TMEM178B: variants seen among roughly 807,000 people sequenced by gnomAD.
TMEM178B encodes the protein transmembrane protein 178B.
In TMEM178B, 5 loss-of-function variants were observed where a neutral mutation model predicts 31.0. That is an observed-to-expected ratio of 0.16 (90% CI 0.08 to 0.34). The LOEUF (loss-of-function observed/expected upper bound fraction) is 0.34, where lower values mean the gene tolerates loss of function less well. Ranked by LOEUF, TMEM178B falls within the 10% of genes least tolerant of loss-of-function variation. TMEM178B has a pLI of 1.00. For synonymous variants in TMEM178B, 164 were observed against 164.0 expected (o/e 1.00, Z 0.00); for missense variants, 275 against 400.3 (o/e 0.69, Z 2.67).
intron 2 of TMEM178B, among the ~76,000 whole-genome samples, chr7:141,326,403 T>C (rs2116482824): frequency 6.6e-6 from 1 of 152,330 alleles, no homozygotes; most frequent in South Asian, 2.1e-4. Flanking sequence ...ATCTTATTAC[T>C]CATGATAATA....
Position 141,477,017 on chromosome 7 carries a change from C to A in TMEM178B, c.*6231C>A, listed in dbSNP as rs1219144810. 6.5e-6 allele frequency: 1 copy of A among 154,856 alleles called. No homozygotes were observed. The highest frequency in any genetic ancestry group is 1.5e-5 in the Non-Finnish European group (1 of 68,240). 9.6% of individuals were successfully genotyped at this position (154,856 alleles called of 1,614,324 possible). ...AACTCCTACACTTCATTCCCAAGGA[C>A]CAGGTGTTGCTCCTTAAGGAACTCT... On this transcript the variant is annotated 3_prime_UTR_variant, in exon 4 of 4. Coordinates refer to ENST00000565468, the MANE Select transcript of TMEM178B (RefSeq NM_001195278.2).
In TMEM178B at chr7:141,422,574, T is replaced by C. The variant is rs1210132803; in HGVS notation, c.497-15034T>C. 1.3e-5 allele frequency among the ~76,000 whole-genome samples: 2 copies of C among 152,168 alleles called. No individual in the cohort carries two copies. Among genetic ancestry groups the C allele is most frequent in the African/African-American group, 4.8e-5 (2 of 41,440 alleles). On this transcript the variant is annotated intron_variant, in intron 2 of 3. Coordinates refer to ENST00000565468, the MANE Select transcript of TMEM178B (RefSeq NM_001195278.2). This position sits in a 1 kb window ranked among gnomAD's most constrained non-coding sequence, Gnocchi z 4.2. ...TCACACAGAGCCTGTGTTGGCTCTG[T>C]TGCCAGAGGCAGCATGAAACAGCCT...
chr7:141,453,540 G>A (rs566256403), intron 3 of TMEM178B, among the ~76,000 whole-genome samples: 150 of 152,338 alleles, frequency 9.8e-4, no homozygotes, highest in African/African-American at 3.5e-3. Flanking sequence ...TGTCCTTAAA[G>A]CCTGCCCAGG....
chr7:141,215,337 A>ATTATTATTATTATTTT (rs55726735), intron 2 of TMEM178B, among the ~76,000 whole-genome samples: 11 of 141,488 alleles, frequency 7.8e-5, no homozygotes, highest in South Asian at 2.2e-4. Flanking sequence ...TATTATTATT[A>ATTATTATTATTATTTT]TTTTTTGAGA....
intron 2 of TMEM178B, among the ~76,000 whole-genome samples, chr7:141,320,633 T>C (rs984210050): frequency 2.0e-5 from 3 of 152,196 alleles, no homozygotes; most frequent in Admixed American, 2.0e-4. Flanking sequence ...GCTTTACATA[T>C]TCAGTCATCA....
Position 141,474,372 on chromosome 7 carries a change from T to C in TMEM178B, c.*3586T>C, listed in dbSNP as rs1343031380. Reference sequence around the variant, plus strand: ...AGTGATTCATCTGTAGAGAGGCTCCTAGACTCCAAGCAGCCCCCTTCCTTG... The same window carrying C: ...AGTGATTCATCTGTAGAGAGGCTCCCAGACTCCAAGCAGCCCCCTTCCTTG... On this transcript the variant is annotated 3_prime_UTR_variant, in exon 4 of 4. Coordinates refer to ENST00000565468, the MANE Select transcript of TMEM178B (RefSeq NM_001195278.2). 6.6e-6 allele frequency: 1 copy of C among 152,212 alleles called. No homozygotes were observed. Among genetic ancestry groups the C allele is most frequent in the Non-Finnish European group, 1.5e-5 (1 of 68,042 alleles). The allele number at this position is 152,212 out of a possible 1,614,324, so 9.4% of individuals were successfully genotyped here. A position where few individuals can be genotyped will look rare whatever the true frequency, so the allele number is the denominator to read the frequency against.
At chr7:141,197,459 A>G (rs1472382002) in intron 1 of TMEM178B, among the ~76,000 whole-genome samples, 1 of 152,230 alleles carries the variant, frequency 6.6e-6, no homozygotes, top group Non-Finnish European at 1.5e-5. Flanking sequence ...TTTCATTGCA[A>G]CTAGGGAGTC....
intron 2 of TMEM178B, among the ~76,000 whole-genome samples, chr7:141,430,525 T>C (rs1419354441): frequency 6.6e-6 from 1 of 152,200 alleles, no homozygotes; most frequent in East Asian, 1.9e-4. Context: ...CGGGGACTAA[T>C]TGGCTTGAGT....
At chr7:141,148,320 A>G (rs571121364) in intron 1 of TMEM178B, among the ~76,000 whole-genome samples, 3 of 152,236 alleles carry the variant, frequency 2.0e-5, no homozygotes, top group Non-Finnish European at 4.4e-5. Flanking sequence ...GCAAGGTAAC[A>G]TACTCACAGG....
intron 2 of TMEM178B, among the ~76,000 whole-genome samples, chr7:141,245,796 C>G (rs563555257): frequency 6.6e-6 from 1 of 152,328 alleles, no homozygotes; most frequent in Admixed American, 6.5e-5. Flanking sequence ...AAACCTTTTC[C>G]AAATCCATAT....
chr7:141,226,859 GAAA>G (rs35251476), intron 2 of TMEM178B, among the ~76,000 whole-genome samples: 3 of 37,320 alleles, frequency 8.0e-5, no homozygotes, highest in Admixed American at 8.0e-4. Context: ...CTACCACTCT[GAAA>G]AAAAAAAAAA....
At chr7:141,335,934 G>C (rs1369820712) in intron 2 of TMEM178B, among the ~76,000 whole-genome samples, 1 of 152,192 alleles carries the variant, frequency 6.6e-6, no homozygotes, top group East Asian at 1.9e-4. Flanking sequence ...TGAGCTCTCT[G>C]CAGGGAGCCA....
chr7:141,329,288 TA>T (rs918618193), intron 2 of TMEM178B, among the ~76,000 whole-genome samples: 2 of 152,066 alleles, frequency 1.3e-5, no homozygotes, highest in African/African-American at 4.8e-5. Context: ...TGTGGATTTG[TA>T]AAAGTGTCTG....
At chr7:141,456,730 G>C (rs1485244447) in intron 3 of TMEM178B, among the ~76,000 whole-genome samples, 1 of 152,198 alleles carries the variant, frequency 6.6e-6, no homozygotes, top group Admixed American at 6.5e-5. Flanking sequence ...CTCCAAGTTT[G>C]CTCCACGGAC....
chr7:141,141,698 A>G (rs1259808530), intron 1 of TMEM178B, among the ~76,000 whole-genome samples: 1 of 152,172 alleles, frequency 6.6e-6, no homozygotes, highest in Non-Finnish European at 1.5e-5. Context: ...AACTTTCATG[A>G]CAGAGCTTGC....
chr7:141,283,141 G>A (rs1487607206), intron 2 of TMEM178B, among the ~76,000 whole-genome samples: 2 of 152,202 alleles, frequency 1.3e-5, no homozygotes, highest in African/African-American at 2.4e-5. Flanking sequence ...AGGCCTGGCT[G>A]TGTCCTAAGA....
At chr7:141,287,680 C>G (rs1365498599) in intron 2 of TMEM178B, among the ~76,000 whole-genome samples, 1 of 152,226 alleles carries the variant, frequency 6.6e-6, no homozygotes, top group Non-Finnish European at 1.5e-5. Flanking sequence ...TTTCAGGTCT[C>G]TGGCATCTCT....
chr7:141,224,827 G>A (rs1014004978), intron 2 of TMEM178B, among the ~76,000 whole-genome samples: 8 of 152,154 alleles, frequency 5.3e-5, no homozygotes, highest in Non-Finnish European at 1.0e-4. Flanking sequence ...GTCCTAGAGC[G>A]ACCCTTCAAA....
intron 1 of TMEM178B, among the ~76,000 whole-genome samples, chr7:141,175,298 T>C (rs1206075407): frequency 6.6e-6 from 1 of 152,218 alleles, no homozygotes; most frequent in Non-Finnish European, 1.5e-5. Context: ...TTCTGAGGCC[T>C]CTGTTCTGTT....
Sources: allele counts gnomAD v4.1 joint callset (sites outside exome capture counted in the v4.1 genomes callset), GRCh38; gene constraint gnomAD v4.1.1; non-coding constraint Gnocchi (gnomAD v3.1); transcripts MANE v1.5; gene names NCBI Gene and HGNC (gene_info 2026-07-23, HGNC 2026-07-21).